The following RAD51B variants were observed in gnomAD, a reference collection of about 807,000 sequenced individuals.
The protein encoded by RAD51B is RAD51 paralog B.
RAD51B carries 38 observed loss-of-function variants against 42.2 expected under a neutral mutation model. The ratio of observed to expected loss-of-function variants is 0.90; its 90% CI spans 0.70 to 1.18. The LOEUF (loss-of-function observed/expected upper bound fraction) is 1.18. RAD51B is among the 50% of genes most tolerant of loss of function. The pLI is 0.00. For synonymous variants in RAD51B, 154 were observed against 145.2 expected (o/e 1.06, Z -0.43); for missense variants, 373 against 400.7 (o/e 0.93, Z 0.59).
At chr14:68,468,937 G>C (rs550232482) in intron 10 of RAD51B, among the ~76,000 whole-genome samples, 1 of 152,332 alleles carries the variant, frequency 6.6e-6, no homozygotes, top group Non-Finnish European at 1.5e-5. Flanking sequence ...AAAGGCACCC[G>C]ATTACAGGTC....
intron 7 of RAD51B, among the ~76,000 whole-genome samples, chr14:68,208,130 A>C (rs2079632099): frequency 1.4e-5 from 2 of 143,398 alleles, no homozygotes; most frequent in Admixed American, 7.0e-5. Context: ...AAAAAAAAAA[A>C]CAACATATTT....
chr14:68,497,398 T>G, intron 10 of RAD51B: 1 of 1,161,692 alleles, frequency 8.6e-7, no homozygotes. Context: ...GGGCACTGAT[T>G]TGATACCATG....
At chr14:68,589,706 A>T (rs928701098) in intron 10 of RAD51B, among the ~76,000 whole-genome samples, 16 of 152,180 alleles carry the variant, frequency 1.1e-4, no homozygotes, top group African/African-American at 3.1e-4. Context: ...TTATGACTTC[A>T]ACAGATGTTT....
intron 7 of RAD51B, among the ~76,000 whole-genome samples, chr14:68,188,633 GC>G (rs1406689795): frequency 6.6e-6 from 1 of 152,034 alleles, no homozygotes; most frequent in Non-Finnish European, 1.5e-5. Context: ...ATTCTTTCTA[GC>G]AATGAACTTG....
At chr14:67,897,851 C>G (rs1035217543) in intron 7 of RAD51B, among the ~76,000 whole-genome samples, 9 of 152,032 alleles carry the variant, frequency 5.9e-5, no homozygotes, top group African/African-American at 2.2e-4. Flanking sequence ...GAGGTTTCAC[C>G]ATGTTGGTCA....
chr14:68,589,230 A>T (rs900345803), intron 10 of RAD51B, among the ~76,000 whole-genome samples: 1 of 152,214 alleles, frequency 6.6e-6, no homozygotes, highest in Non-Finnish European at 1.5e-5. Context: ...TTTTGTAGTC[A>T]TTAGAAGAGG....
At chr14:68,592,620 C>A (rs1890805096) in intron 10 of RAD51B, among the ~76,000 whole-genome samples, 1 of 152,172 alleles carries the variant, frequency 6.6e-6, no homozygotes, top group African/African-American at 2.4e-5. Flanking sequence ...TCTTCTGCCA[C>A]GTATCATAGA....
chr14:68,058,431 A>G (rs139408537), intron 7 of RAD51B, among the ~76,000 whole-genome samples: 25 of 152,186 alleles, frequency 1.6e-4, no homozygotes, highest in African/African-American at 5.3e-4. Flanking sequence ...GACATTTCCA[A>G]TCCCCTAGCT....
chr14:68,013,415 G>A (rs1195876238), intron 7 of RAD51B, among the ~76,000 whole-genome samples: 1 of 152,128 alleles, frequency 6.6e-6, no homozygotes, highest in Non-Finnish European at 1.5e-5. Context: ...CCATGTGATG[G>A]GTGGGGTTGG....
chr14:68,252,271 T>G (rs960277654), intron 7 of RAD51B, among the ~76,000 whole-genome samples: 2 of 152,226 alleles, frequency 1.3e-5, no homozygotes, highest in East Asian at 3.8e-4. Flanking sequence ...GTATAGAGAC[T>G]CAAATGTGGG....
intron 9 of RAD51B, among the ~76,000 whole-genome samples, chr14:68,416,216 A>G (rs955510050): frequency 7.2e-5 from 11 of 152,196 alleles, no homozygotes; most frequent in African/African-American, 2.4e-4. Context: ...GAAATATTCA[A>G]TGTTTCCTTT....
intron 9 of RAD51B, among the ~76,000 whole-genome samples, chr14:68,441,619 A>G (rs2085294477): frequency 6.6e-6 from 1 of 151,790 alleles, no homozygotes. Context: ...CTGTCTTCAT[A>G]TGTGGGTACC....
intron 8 of RAD51B, among the ~76,000 whole-genome samples, chr14:68,389,166 G>A (rs2083678122): frequency 6.6e-6 from 1 of 152,150 alleles, no homozygotes; most frequent in Admixed American, 6.5e-5. Context: ...GTACATCGTA[G>A]TGTATAGCTC....
At chr14:68,405,886 C>T (rs2084260092) in intron 8 of RAD51B, among the ~76,000 whole-genome samples, 1 of 146,726 alleles carries the variant, frequency 6.8e-6, no homozygotes, top group Non-Finnish European at 1.5e-5. Context: ...CCTAATTATT[C>T]ACATGTAGCT....
At chr14:67,852,375 G>T (rs972811668) in intron 4 of RAD51B, among the ~76,000 whole-genome samples, 2 of 152,240 alleles carry the variant, frequency 1.3e-5, no homozygotes, top group Admixed American at 1.3e-4. Context: ...GGGGATCCAA[G>T]GTTGGTGGGG....
At chr14:68,632,558 G>A (rs1216897655) in intron 10 of RAD51B, among the ~76,000 whole-genome samples, 3 of 152,176 alleles carry the variant, frequency 2.0e-5, no homozygotes, top group African/African-American at 4.8e-5. Context: ...GCCTTATGGG[G>A]CCTGGTTGGC....
chr14:68,101,768 G>A (rs1158000295), intron 7 of RAD51B, among the ~76,000 whole-genome samples: 1 of 152,202 alleles, frequency 6.6e-6, no homozygotes, highest in Non-Finnish European at 1.5e-5. Context: ...TCTCAGGTCT[G>A]GAGGACAGTG....
chr14:68,355,308 G>C (rs2082877875), intron 8 of RAD51B, among the ~76,000 whole-genome samples: 1 of 152,172 alleles, frequency 6.6e-6, no homozygotes, highest in Non-Finnish European at 1.5e-5. Flanking sequence ...AATAGATTGA[G>C]CATTTTAGAA....
At chr14:68,349,972 A>G (rs374342808) in intron 8 of RAD51B, among the ~76,000 whole-genome samples, 1 of 152,240 alleles carries the variant, frequency 6.6e-6, no homozygotes, top group Non-Finnish European at 1.5e-5. Context: ...GTCAGCAAAA[A>G]AAGCATACAC....
Sources: allele counts gnomAD v4.1 joint callset (sites outside exome capture counted in the v4.1 genomes callset), GRCh38; gene constraint gnomAD v4.1.1; transcripts MANE v1.5; gene names NCBI Gene and HGNC (gene_info 2026-07-23, HGNC 2026-07-21).